Variants in NAV3 observed in about 807,000 individuals in gnomAD.
The protein encoded by NAV3 is neuron navigator 3, also known as pore membrane and/or filament interacting like protein 1.
In NAV3, 87 loss-of-function variants were observed where a neutral mutation model predicts 244.7. That is an observed-to-expected ratio of 0.36 (90% confidence interval 0.30 to 0.42). NAV3 has a LOEUF of 0.42. Among genes scored for constraint, NAV3 ranks in the 20% least tolerant of loss-of-function variants. NAV3 has a pLI of 1.00. For missense variants in NAV3, 2,663 were observed against 2,893.3 expected, an observed-to-expected ratio of 0.92 and a Z score of 1.83; for synonymous variants, 1,126 against 1,042.2, an observed-to-expected ratio of 1.08 and a Z score of -1.55.
chr12:78,202,029 G>C (rs1008308115), intron 38 of NAV3, among the ~76,000 whole-genome samples: 6 of 151,880 alleles, frequency 4.0e-5, no homozygotes, highest in Admixed American at 2.0e-4. Flanking sequence ...TAATGCTATT[G>C]ATTGGTTCTA....
chr12:77,896,509 G>A (rs1207291813), intron 1 of NAV3, among the ~76,000 whole-genome samples: 1 of 152,114 alleles, frequency 6.6e-6, no homozygotes, highest in Non-Finnish European at 1.5e-5. Flanking sequence ...AATTGATGTG[G>A]AAAAAAGTAT....
chr12:78,110,388 T>A (rs974937793), intron 12 of NAV3, among the ~76,000 whole-genome samples: 4 of 152,058 alleles, frequency 2.6e-5, no homozygotes, highest in Non-Finnish European at 5.9e-5. Flanking sequence ...TTCAATGCAA[T>A]TTCTACCAAA....
intron 2 of NAV3, among the ~76,000 whole-genome samples, chr12:77,597,656 T>G (rs1244912956): frequency 6.6e-6 from 1 of 152,080 alleles, no homozygotes; most frequent in African/African-American, 2.4e-5. Context: ...GATTTAACCA[T>G]GAAAATGCAT....
Position 77,758,168 on chromosome 12 carries a change from A to T in NAV3, c.73-182151A>T, listed in dbSNP as rs182930162. ...TTGCATTTCGTCAGAGATGCCTGTG[A>T]CCATTCTACTTAAGATATAAATCTT... is the stretch of plus-strand genomic sequence containing the variant. On this transcript the variant is annotated intron_variant, in intron 2 of 8. Transcript: ENST00000550042. 3.4e-4 allele frequency among the ~76,000 whole-genome samples: 52 copies of T among 152,274 alleles called. No individual in the cohort carries two copies. The East Asian group carries it at 8.3e-3, about 24-fold the overall frequency.
intron 2 of NAV3, among the ~76,000 whole-genome samples, chr12:77,816,745 A>T (rs977047927): frequency 1.6e-4 from 24 of 151,988 alleles, no homozygotes; most frequent in African/African-American, 5.8e-4. Flanking sequence ...GCTTCCCTAA[A>T]CCAGAGAGAA....
At chr12:78,015,658 G>C (rs1396212100) in intron 8 of NAV3, among the ~76,000 whole-genome samples, 1 of 151,958 alleles carries the variant, frequency 6.6e-6, no homozygotes, top group Non-Finnish European at 1.5e-5. Flanking sequence ...AAGTGAATTT[G>C]TCTCCAGTTG....
At chr12:78,102,835 T>C (rs999119320) in intron 12 of NAV3, among the ~76,000 whole-genome samples, 2 of 152,182 alleles carry the variant, frequency 1.3e-5, no homozygotes, top group African/African-American at 2.4e-5. Context: ...CTTTTAGCAA[T>C]GGCTGGAGTG....
At chr12:77,750,366 CA>C (rs1437857824) in intron 2 of NAV3, among the ~76,000 whole-genome samples, 1 of 151,838 alleles carries the variant, frequency 6.6e-6, no homozygotes, top group Non-Finnish European at 1.5e-5. Flanking sequence ...ACAACAACAA[CA>C]AAAATACAAG....
chr12:78,088,521 A>G (rs145280445), intron 12 of NAV3, among the ~76,000 whole-genome samples: 2 of 152,106 alleles, frequency 1.3e-5, no homozygotes, highest in Non-Finnish European at 1.5e-5. Context: ...AAAAAATCAC[A>G]GATGCTGCTA....
chr12:78,153,368 G>A (rs1957148953), intron 22 of NAV3, among the ~76,000 whole-genome samples: 2 of 152,036 alleles, frequency 1.3e-5, no homozygotes, highest in South Asian at 4.1e-4. Context: ...CACAGGTAAA[G>A]TGTTAAGCTG....
chr12:78,205,160 C>A (rs753845488), intron 39 of NAV3, 22 bp downstream of exon 39: 1 of 1,605,178 alleles, frequency 6.2e-7, no homozygotes, highest in Admixed American at 1.7e-5. Context: ...ATGTTCATTT[C>A]TTCCTATGTA....
chr12:77,614,385 C>A (rs1174633901), intron 2 of NAV3, among the ~76,000 whole-genome samples: 2 of 152,094 alleles, frequency 1.3e-5, no homozygotes, highest in Non-Finnish European at 2.9e-5. Flanking sequence ...GTCACCCTTT[C>A]AATGTGGATG....
chr12:77,991,729 G>A (rs1238427684), intron 5 of NAV3, among the ~76,000 whole-genome samples: 1 of 152,070 alleles, frequency 6.6e-6, no homozygotes, highest in Non-Finnish European at 1.5e-5. Flanking sequence ...CAGAAACACA[G>A]AAACATAAGA....
At chr12:77,830,431 A>G (rs935406833), upstream of NAV3, among the ~76,000 whole-genome samples, 3 of 152,192 alleles carry the variant, frequency 2.0e-5, no homozygotes, top group African/African-American at 7.2e-5. Context: ...GAGTCATTCC[A>G]ATGATTAAAT....
chr12:77,995,788 A>G (rs968941721), intron 6 of NAV3, among the ~76,000 whole-genome samples: 3 of 152,144 alleles, frequency 2.0e-5, no homozygotes, highest in Non-Finnish European at 4.4e-5. Context: ...AACTAGAATA[A>G]ATGATATAAA....
At chr12:77,943,772 T>C (rs1221695857) in intron 3 of NAV3, among the ~76,000 whole-genome samples, 3 of 152,236 alleles carry the variant, frequency 2.0e-5, no homozygotes, top group Non-Finnish European at 4.4e-5. Flanking sequence ...TGGTCTCTTG[T>C]GGCCTTTGGT....
intron 1 of NAV3, among the ~76,000 whole-genome samples, chr12:77,938,913 T>C (rs569266270): frequency 5.3e-4 from 78 of 147,822 alleles, no homozygotes; most frequent in African/African-American, 2.0e-3. Flanking sequence ...GAGCCAAATT[T>C]GGTTTAAAAT....
intron 3 of NAV3, among the ~76,000 whole-genome samples, chr12:77,964,506 A>G (rs1892343140): frequency 6.6e-6 from 1 of 152,214 alleles, no homozygotes; most frequent in Non-Finnish European, 1.5e-5. Flanking sequence ...GATCTTAAAG[A>G]AATACATTTA....
chr12:77,668,728 A>G (rs1038054307), intron 2 of NAV3, among the ~76,000 whole-genome samples: 1 of 152,234 alleles, frequency 6.6e-6, no homozygotes, highest in East Asian at 1.9e-4. Flanking sequence ...TATTTTAGAG[A>G]ATAATGGAGG....
Sources: allele counts gnomAD v4.1 joint callset (sites outside exome capture counted in the v4.1 genomes callset), GRCh38; gene constraint gnomAD v4.1.1; transcripts MANE v1.5; gene names NCBI Gene and HGNC (gene_info 2026-07-23, HGNC 2026-07-21).